BTBD2: variants seen among roughly 807,000 people sequenced by gnomAD.
BTBD2 encodes BTB/POZ domain-containing protein 2.
Under a neutral mutation model 44.0 loss-of-function variants are expected in BTBD2, and 15 were observed. The observed-to-expected ratio is 0.34, with a 90% CI of 0.23 to 0.53. The LOEUF is 0.53. BTBD2 is among the 20% of genes least tolerant of loss of function. The probability of loss-of-function intolerance (pLI) is 0.95; values close to 1 mark genes in which losing one functional copy is unlikely to be tolerated. For missense variants in BTBD2, 657 were observed against 746.4 expected, an observed-to-expected ratio of 0.88 and a Z score of 1.39; for synonymous variants, 443 against 335.9, an observed-to-expected ratio of 1.32 and a Z score of -3.49.
chr19:2,000,823 A>G (rs1358966354), intron 1 of BTBD2, among the ~76,000 whole-genome samples: 1 of 152,208 alleles, frequency 6.6e-6, no homozygotes, highest in Non-Finnish European at 1.5e-5. Context: ...GCGACCACCC[A>G]CGCACTGGAA....
At chr19:1,990,505 C>G (rs2016160208) in intron 4 of BTBD2, 2 of 614,544 alleles carry the variant, frequency 3.3e-6, no homozygotes, top group African/African-American at 1.8e-5. Flanking sequence ...TCACCATCAG[C>G]TGGGATGGTG....
chr19:2,005,022 G>C (rs995387003), intron 1 of BTBD2, among the ~76,000 whole-genome samples: 1 of 151,530 alleles, frequency 6.6e-6, no homozygotes, highest in African/African-American at 2.4e-5. Context: ...GGGTTTCACC[G>C]TGTTAGTCAG....
At chr19:1,998,889 G>A (rs72979662) in intron 1 of BTBD2, among the ~76,000 whole-genome samples, 14,482 of 152,114 alleles carry the variant, frequency 0.095, 905 homozygotes, top group East Asian at 0.21. Context: ...CCAGGACGTT[G>A]CGGTCCCTGC....
At chr19:1,991,836 CA>C (rs1380288601) in intron 3 of BTBD2, 1 of 152,330 alleles carries the variant, frequency 6.6e-6, no homozygotes, top group Non-Finnish European at 1.5e-5. Context: ...GCACAGAGCC[CA>C]ACTGGGGTCC....
intron 1 of BTBD2, among the ~76,000 whole-genome samples, chr19:2,005,941 A>G (rs2016388984): frequency 6.6e-6 from 1 of 152,014 alleles, no homozygotes; most frequent in South Asian, 2.1e-4. Flanking sequence ...GAAAAAAATC[A>G]GCCGAGCATA....
rs759216677 is a variant in BTBD2, at chr19:1,986,473, T to G, written c.*15A>C. ...CTATCCCCACGGAGGGAGGGCGGTGTCGGTGTCGGGCAGCCTAGGTGTAGA... is the reference window on the plus strand; with the variant it reads ...CTATCCCCACGGAGGGAGGGCGGTGGCGGTGTCGGGCAGCCTAGGTGTAGA... On this transcript the variant is annotated 3_prime_UTR_variant, in exon 9 of 9. Transcript: ENST00000255608. The G allele has an allele frequency of 2.7e-5, 44 of 1,609,154 alleles. No individual in the cohort carries two copies. The highest frequency in any genetic ancestry group is 3.6e-5 in the Non-Finnish European group (42 of 1,176,966).
intron 2 of BTBD2, among the ~76,000 whole-genome samples, chr19:1,996,153 A>G (rs2145631108): frequency 6.6e-6 from 1 of 152,256 alleles, no homozygotes; most frequent in South Asian, 2.1e-4. Context: ...GTTCCATTCC[A>G]TTGGTCCCCA....
intron 1 of BTBD2, among the ~76,000 whole-genome samples, chr19:2,000,932 G>A (rs1176334081): frequency 6.6e-6 from 1 of 152,142 alleles, no homozygotes. Flanking sequence ...AGGCACAGAA[G>A]GACAAATCCT....
Position 1,995,278 on chromosome 19 carries a change from TC to T in BTBD2, c.527+2065del, listed in dbSNP as rs1234182669. On this transcript the variant is annotated intron_variant, in intron 2 of 8. Transcript: ENST00000255608. ...CACCGCGCCTAGCCATACTTTGGAT[TC>T]TTTTTTTTTTTTTTTTTTTTGAGAG... Among the ~76,000 whole-genome samples the T allele has an allele frequency of 5.2e-3, 593 of 114,164 alleles. 11 individuals are homozygous for T. The highest frequency in any genetic ancestry group is 0.024 in the African/African-American group (562 of 23,202). The allele number at this position is 114,164 out of a possible 152,430, so 74.9% of individuals were successfully genotyped here. A position where few individuals can be genotyped will look rare whatever the true frequency, so the allele number is the denominator to read the frequency against.
At chr19:1,997,175 A>G (rs918052362) in intron 2 of BTBD2, among the ~76,000 whole-genome samples, 169 bp downstream of exon 2, 3 of 151,740 alleles carry the variant, frequency 2.0e-5, no homozygotes, top group Non-Finnish European at 2.9e-5. Flanking sequence ...GCGAGACTCC[A>G]TCTCAAAAAG....
At chr19:2,011,315 C>T (rs572029937) in intron 1 of BTBD2, among the ~76,000 whole-genome samples, 157 of 152,256 alleles carry the variant, frequency 1.0e-3, no homozygotes, top group South Asian at 3.3e-3. Flanking sequence ...CCACCGAGCC[C>T]GCTGCTGTCT....
In BTBD2 at chr19:1,988,072, C is replaced by T. The variant is rs1362296608; in HGVS notation, c.989-380G>A. 1.9e-5 allele frequency: 4 copies of T among 213,930 alleles called. No homozygotes were observed. In the East Asian group the frequency reaches 3.8e-4, roughly 20 times the overall value. 13.3% of individuals were successfully genotyped at this position (213,930 alleles called of 1,614,324 possible). A position where few individuals can be genotyped will look rare whatever the true frequency, so the allele number is the denominator to read the frequency against. ...CAGGGCCATTGGCTGGGAGGGGTCA[C>T]TGTGGCTCCCTGCTAGGCCTGTACC... On this transcript the variant is annotated intron_variant, in intron 5 of 8. Transcript: ENST00000255608.
chr19:1,987,106 G>A, intron 7 of BTBD2, 60 bp downstream of exon 7: 1 of 1,597,882 alleles, frequency 6.3e-7, no homozygotes, highest in Non-Finnish European at 8.6e-7. Context: ...AGGGTTCCAT[G>A]GAGGTGGAGA....
intron 6 of BTBD2, 39 bp downstream of exon 6, chr19:1,987,461 C>A: frequency 6.6e-7 from 1 of 1,513,666 alleles, no homozygotes; most frequent in Non-Finnish European, 8.9e-7. Context: ...GTCCTCCACC[C>A]CCATGTCCGG....
rs758438787 is a variant in BTBD2 at position 1,997,510 on chromosome 19, C to A, written c.408-47G>T. ...CCTGGTTAAGCCCGTGGCCGCCACC[C>A]CACGGCCGGGAGGGCCAGCCCGGTA... On this transcript the variant is annotated intron_variant, in intron 1 of 8. Transcript: ENST00000255608. 7 of 1,609,096 alleles carry A rather than the reference C, an allele frequency of 4.4e-6. No individual in the cohort carries two copies. The Admixed American group carries it at 1.0e-4, about 23-fold the overall frequency.
At chr19:1,998,089 CCATTCA>C (rs907946545) in intron 1 of BTBD2, among the ~76,000 whole-genome samples, 3 of 126,428 alleles carry the variant, frequency 2.4e-5, no homozygotes, top group African/African-American at 1.0e-4. Context: ...ATTCACTCAC[CCATTCA>C]CACACACACA....
intron 1 of BTBD2, among the ~76,000 whole-genome samples, chr19:2,005,058 G>C (rs1161980371): frequency 1.3e-5 from 2 of 152,028 alleles, no homozygotes; most frequent in East Asian, 3.9e-4. Context: ...CTGACCTCGT[G>C]ATCTGCCTGT....
At chr19:1,995,010 C>T (rs1568217159) in intron 2 of BTBD2, among the ~76,000 whole-genome samples, 1 of 152,072 alleles carries the variant, frequency 6.6e-6, no homozygotes, top group Non-Finnish European at 1.5e-5. Flanking sequence ...CTCTGTCGCC[C>T]AAGCTGGAGT....
intron 1 of BTBD2, among the ~76,000 whole-genome samples, chr19:2,012,618 G>A (rs1403008871): frequency 6.6e-6 from 1 of 152,182 alleles, no homozygotes; most frequent in East Asian, 1.9e-4. Flanking sequence ...CTGAGTGGGG[G>A]TCCACGCCCC....
Sources: gnomAD v4.1 joint callset for allele counts (sites outside exome capture counted in the v4.1 genomes callset) on GRCh38, gnomAD v4.1.1 for gene constraint, MANE v1.5 for transcripts, NCBI Gene and HGNC (gene_info 2026-07-23, HGNC 2026-07-21) for gene names.